The following DENND5B variants were observed in gnomAD, a reference collection of about 807,000 sequenced individuals.
DENND5B encodes the protein DENN domain containing 5B, also known as DENN domain-containing protein 5B.
In DENND5B, 34 loss-of-function variants were observed where a neutral mutation model predicts 140.6. That is an observed-to-expected ratio of 0.24 (90% CI 0.18 to 0.32). The LOEUF is 0.32. Among genes scored for constraint, DENND5B ranks in the 10% least tolerant of loss-of-function variants. The pLI is 1.00. For missense variants in DENND5B, 1,142 were observed against 1,560.2 expected, an observed-to-expected ratio of 0.73 and a Z score of 4.52; for synonymous variants, 551 against 562.1, an observed-to-expected ratio of 0.98 and a Z score of 0.28.
intron 11 of DENND5B, among the ~76,000 whole-genome samples, chr12:31,416,609 A>G (rs1479512902): frequency 1.3e-5 from 2 of 152,170 alleles, no homozygotes; most frequent in African/African-American, 4.8e-5. Context: ...ATAATTACAC[A>G]TGAAAGCAAT....
chr12:31,452,403 T>A lies in DENND5B; in HGVS notation c.1166A>T (p.Lys389Ile). 4 of 1,613,790 alleles carry A rather than the reference T, an allele frequency of 2.5e-6. No individual in the cohort carries two copies. The highest frequency in any genetic ancestry group is 2.5e-6 in the Non-Finnish European group (3 of 1,179,828). Residue 389 changes from lysine (K) to isoleucine (I), a missense_variant, in exon 5 of 21, where the codon AAA (lysine) becomes ATA (isoleucine). Physicochemically the swap from Lys to Ile is moderately radical, Grantham distance 102. Around this residue, in one of 5 missense-constraint regions of DENND5B, gnomAD observed 708 missense variants for 905.5 expected, o/e 0.78. Transcript: ENST00000389082. ...LPEEFPQFPN[K>I]VDFIQELSEV... is the part of the protein sequence containing the mutation. ...AGAGAGTTCTTGGATAAAATCCACT[T>A]TATTGGGGAACTGTGGAAATTCTTC...
At chr12:31,564,459 T>G (rs1949566004) in intron 1 of DENND5B, among the ~76,000 whole-genome samples, 1 of 151,928 alleles carries the variant, frequency 6.6e-6, no homozygotes. Flanking sequence ...TGGGTTCACT[T>G]GCAGCTGGCT....
intron 17 of DENND5B, among the ~76,000 whole-genome samples, chr12:31,396,054 T>C (rs2568882): frequency 0.23 from 20,458 of 87,548 alleles, 2,238 homozygotes; most frequent in Non-Finnish European, 0.3. Context: ...TTGGCATTCC[T>C]TGTTTTTTTT....
intron 1 of DENND5B, among the ~76,000 whole-genome samples, chr12:31,511,921 CTTTT>C (rs761566462): frequency 1.0e-5 from 1 of 98,944 alleles, no homozygotes; most frequent in Admixed American, 1.5e-4. Flanking sequence ...CTCCACTGCC[CTTTT>C]TTTTTTTTTT....
At chr12:31,574,950 G>C (rs1021411896) in intron 1 of DENND5B, among the ~76,000 whole-genome samples, 1 of 152,190 alleles carries the variant, frequency 6.6e-6, no homozygotes, top group African/African-American at 2.4e-5. Flanking sequence ...GTCACCTCAA[G>C]GGTACCAATG....
chr12:31,429,414 TA>T (rs1943409261), intron 8 of DENND5B, among the ~76,000 whole-genome samples: 1 of 152,206 alleles, frequency 6.6e-6, no homozygotes, highest in Admixed American at 6.5e-5. Context: ...TTATTATTAT[TA>T]TTTTTTTTCT....
rs543791461 is a variant in DENND5B, at chr12:31,422,545, G to A, written c.2470+1052C>T. ...GAACCTGGGAGGCAGAGGTTGCAGTGAGCCGAGATCGTACCACTGTACTCC... is the reference window on the plus strand; with the variant it reads ...GAACCTGGGAGGCAGAGGTTGCAGTAAGCCGAGATCGTACCACTGTACTCC... On this transcript the variant is annotated intron_variant, in intron 11 of 20. Transcript: ENST00000389082. 4.5e-3 allele frequency among the ~76,000 whole-genome samples: 680 copies of A among 152,296 alleles called. 6 individuals carry two copies. Among genetic ancestry groups the A allele is most frequent in the African/African-American group, 0.015 (637 of 41,568 alleles).
At chr12:31,405,112 C>T (rs980968420) in intron 14 of DENND5B, among the ~76,000 whole-genome samples, 3 of 152,010 alleles carry the variant, frequency 2.0e-5, no homozygotes, top group Non-Finnish European at 4.4e-5. Context: ...CACTATTTTG[C>T]CCAGGCTAGT....
intron 1 of DENND5B, among the ~76,000 whole-genome samples, chr12:31,539,191 A>G (rs1948607445): frequency 6.6e-6 from 1 of 152,156 alleles, no homozygotes; most frequent in Non-Finnish European, 1.5e-5. Flanking sequence ...CCATGAAGAA[A>G]TCCAAAACCT....
chr12:31,590,494 G>A (rs893903148), intron 1 of DENND5B: 3 of 544,538 alleles, frequency 5.5e-6, no homozygotes, highest in African/African-American at 4.0e-5. Flanking sequence ...GCCTGGAGGC[G>A]AAAGCCCCGG....
chr12:31,402,519 G>A lies in DENND5B; in HGVS notation c.2928C>T (p.Asn976=). Residue 976 remains asparagine (N), a synonymous_variant, in exon 15 of 21, where the codon AAC becomes AAT. Transcript: ENST00000389082. ...GDTGVMQIPK[N]LLEMTFECQN... ...CTACCTCAAAGGTCATTTCGAGGAG[G>A]TTTTTGGGAATCTGCATTACTCCTG... 1 of 1,613,458 alleles carries A rather than the reference G, an allele frequency of 6.2e-7. No individual in the cohort carries two copies. The highest frequency in any genetic ancestry group is 8.5e-7 in the Non-Finnish European group (1 of 1,179,694).
At chr12:31,415,106 C>A (rs1942662124) in intron 12 of DENND5B, among the ~76,000 whole-genome samples, 1 of 151,856 alleles carries the variant, frequency 6.6e-6, no homozygotes, top group Non-Finnish European at 1.5e-5. Context: ...CAAAGCAAGA[C>A]CCTGTCGCAA....
Position 31,549,657 on chromosome 12 carries a change from C to A in DENND5B, c.127+41049G>T, listed in dbSNP as rs774863842. On this transcript the variant is annotated intron_variant, in intron 1 of 20. Coordinates refer to ENST00000389082, the MANE Select transcript of DENND5B (RefSeq NM_144973.4). ...ATCAACCCATCACCTAGGTATTAAG[C>A]CCAGTATGCACTAAATATATTTTTC... Among the ~76,000 whole-genome samples, 48 of 152,108 alleles carry A rather than the reference C, an allele frequency of 3.2e-4. 1 individual carries two copies. Among genetic ancestry groups the A allele is most frequent in the Admixed American group, 4.6e-4 (7 of 15,268 alleles).
At chr12:31,452,754 T>C (rs1000897564) in intron 4 of DENND5B, among the ~76,000 whole-genome samples, 1 of 152,218 alleles carries the variant, frequency 6.6e-6, no homozygotes, top group African/African-American at 2.4e-5. Context: ...GAATTTCTTA[T>C]TCTTTAAAAA....
At chr12:31,423,771 G>A (rs1159603157) in intron 10 of DENND5B, 96 bp from the exon 11 acceptor site, 2 of 1,263,784 alleles carry the variant, frequency 1.6e-6, no homozygotes, top group African/African-American at 3.0e-5. Context: ...CCATTTAGAA[G>A]TCTGGTGACC....
intron 2 of DENND5B, among the ~76,000 whole-genome samples, chr12:31,492,808 C>T (rs770092743): frequency 6.6e-6 from 1 of 152,192 alleles, no homozygotes; most frequent in Non-Finnish European, 1.5e-5. Flanking sequence ...ATAAAGATAA[C>T]TAACAGTTGT....
At chr12:31,495,462 T>A (rs1413250193) in intron 2 of DENND5B, among the ~76,000 whole-genome samples, 3 of 146,484 alleles carry the variant, frequency 2.0e-5, no homozygotes, top group Non-Finnish European at 4.5e-5. Context: ...CACCACAACC[T>A]CCGCCTCCTG....
At chr12:31,495,379 C>CTTTTTTTTTT (rs1293809907) in intron 2 of DENND5B, among the ~76,000 whole-genome samples, 11 of 63,524 alleles carry the variant, frequency 1.7e-4, no homozygotes, top group Admixed American at 6.3e-4. Flanking sequence ...TATCACATTT[C>CTTTTTTTTTT]TTTTTTTTTC....
chr12:31,544,260 T>C (rs756445835), intron 1 of DENND5B, among the ~76,000 whole-genome samples: 1 of 152,212 alleles, frequency 6.6e-6, no homozygotes, highest in Admixed American at 6.5e-5. Flanking sequence ...TTTTAGAAGA[T>C]ATTATCAATG....
Sources: allele counts gnomAD v4.1 joint callset (sites outside exome capture counted in the v4.1 genomes callset), GRCh38; gene constraint gnomAD v4.1.1; regional missense constraint gnomAD v4.1.1; transcripts MANE v1.5; gene names NCBI Gene and HGNC (gene_info 2026-07-23, HGNC 2026-07-21).